Variants in IKZF3 observed in about 807,000 individuals in gnomAD.
IKZF3 encodes zinc finger protein Aiolos.
IKZF3 carries 10 observed loss-of-function variants against 49.0 expected under a neutral mutation model. That is an observed-to-expected ratio of 0.20 (90% CI 0.13 to 0.35). IKZF3 has a LOEUF of 0.35. Among genes scored for constraint, IKZF3 ranks in the 10% least tolerant of loss-of-function variants. The pLI, the probability that IKZF3 is intolerant of heterozygous loss-of-function variation, is 1.00. For missense variants in IKZF3, 498 were observed against 664.8 expected (o/e 0.75, Z 2.76); for synonymous variants, 209 against 228.2 (o/e 0.92, Z 0.76).
intron 3 of IKZF3, 101 bp downstream of exon 3, chr17:39,829,286 C>T: frequency 1.3e-6 from 1 of 779,814 alleles, no homozygotes; most frequent in Non-Finnish European, 2.2e-6. Context: ...CCTAACTAAA[C>T]CTACAATTGC....
intron 6 of IKZF3, among the ~76,000 whole-genome samples, chr17:39,782,825 G>A (rs2060778447): frequency 6.6e-6 from 1 of 152,194 alleles, no homozygotes; most frequent in South Asian, 2.1e-4. Context: ...AACTGTCATT[G>A]TGGATCAATT....
chr17:39,831,697 T>C (rs375252319), intron 2 of IKZF3, among the ~76,000 whole-genome samples: 6 of 152,230 alleles, frequency 3.9e-5, no homozygotes, highest in Non-Finnish European at 5.9e-5. Context: ...AGAGACCATA[T>C]GTGGCCTGCA....
At chr17:39,773,075 CA>C (rs1233163644) in intron 7 of IKZF3, among the ~76,000 whole-genome samples, 1 of 152,194 alleles carries the variant, frequency 6.6e-6, no homozygotes, top group Non-Finnish European at 1.5e-5. Context: ...TTAGGACTCC[CA>C]AAGTGGGGAA....
intron 3 of IKZF3, among the ~76,000 whole-genome samples, chr17:39,815,508 T>C (rs1598095024): frequency 6.6e-6 from 1 of 152,240 alleles, no homozygotes; most frequent in Non-Finnish European, 1.5e-5. Context: ...GGCCAAGATA[T>C]AAGCAACAAT....
chr17:39,768,625 T>TA (rs1192135737), intron 7 of IKZF3, among the ~76,000 whole-genome samples: 1 of 152,168 alleles, frequency 6.6e-6, no homozygotes, highest in East Asian at 1.9e-4. Context: ...TGTCCTCATG[T>TA]AAAGTGAAGA....
chr17:39,834,987 C>T (rs1348840436), intron 1 of IKZF3: 1 of 408,188 alleles, frequency 2.4e-6, no homozygotes, highest in Non-Finnish European at 4.8e-6. Flanking sequence ...CATCAGAGGA[C>T]TGGGACACCA....
At chr17:39,769,236 C>T (rs1343610456) in intron 7 of IKZF3, among the ~76,000 whole-genome samples, 2 of 152,160 alleles carry the variant, frequency 1.3e-5, no homozygotes, top group East Asian at 3.8e-4. Context: ...CCAAGGCTAC[C>T]TGCCCTTGAG....
intron 6 of IKZF3, among the ~76,000 whole-genome samples, chr17:39,780,439 C>T (rs2060712611): frequency 6.6e-6 from 1 of 152,120 alleles, no homozygotes; most frequent in Non-Finnish European, 1.5e-5. Context: ...TCACAGCTCA[C>T]TGCAGGCTCA....
chr17:39,821,320 C>G (rs2061804743), intron 3 of IKZF3, among the ~76,000 whole-genome samples: 1 of 151,934 alleles, frequency 6.6e-6, no homozygotes, highest in Non-Finnish European at 1.5e-5. Flanking sequence ...TGGAAAACAC[C>G]CCAGAATTGG....
Position 39,777,641 on chromosome 17 carries a change from G to C in IKZF3, c.826+10C>G, listed in dbSNP as rs1244703042. The C allele has an allele frequency of 6.3e-7, 1 of 1,588,232 alleles. No individual in the cohort carries two copies. Among genetic ancestry groups the C allele is most frequent in the East Asian group, 2.2e-5 (1 of 44,710 alleles). On this transcript the variant is annotated intron_variant, in intron 7 of 7. Coordinates refer to ENST00000346872, the MANE Select transcript of IKZF3 (RefSeq NM_012481.5). ...GCTAACAACAGCAGGAAAAAGGTTT[G>C]TATTCTTACCAATGAATTTCTGAGG... is the stretch of plus-strand genomic sequence containing the variant.
intron 3 of IKZF3, among the ~76,000 whole-genome samples, chr17:39,822,582 C>CTTTTTTT (rs536009534): frequency 7.5e-6 from 1 of 132,990 alleles, no homozygotes; most frequent in African/African-American, 2.8e-5. Context: ...GTATTTCTTT[C>CTTTTTTT]TTTTTTTTTT....
intron 1 of IKZF3, among the ~76,000 whole-genome samples, chr17:39,846,676 T>C (rs913580011): frequency 3.3e-5 from 5 of 152,030 alleles, no homozygotes; most frequent in African/African-American, 1.2e-4. Flanking sequence ...AATCAAATAT[T>C]TACATTAGCA....
intron 1 of IKZF3, among the ~76,000 whole-genome samples, chr17:39,848,972 C>A (rs1002537602): frequency 9.2e-5 from 14 of 152,116 alleles, no homozygotes; most frequent in African/African-American, 3.1e-4. Context: ...TGGGAGCCAA[C>A]GTGCCTGGCA....
intron 7 of IKZF3, among the ~76,000 whole-genome samples, chr17:39,773,980 A>G (rs1380151463): frequency 6.6e-6 from 1 of 152,200 alleles, no homozygotes; most frequent in Non-Finnish European, 1.5e-5. Context: ...AAAGACATAC[A>G]AAATTTCTTG....
intron 2 of IKZF3, 107 bp downstream of exon 2, chr17:39,831,991 A>G: frequency 1.3e-6 from 1 of 774,242 alleles, no homozygotes; most frequent in East Asian, 2.6e-5. Context: ...AAAAACACAC[A>G]CACATTTCCA....
At chr17:39,833,882 A>G (rs2062186432) in intron 1 of IKZF3, among the ~76,000 whole-genome samples, 1 of 152,154 alleles carries the variant, frequency 6.6e-6, no homozygotes, top group Non-Finnish European at 1.5e-5. Context: ...TAATTAATGA[A>G]TATATATTCA....
chr17:39,769,605 A>G (rs747198044), intron 7 of IKZF3, among the ~76,000 whole-genome samples: 1 of 152,218 alleles, frequency 6.6e-6, no homozygotes, highest in Non-Finnish European at 1.5e-5. Flanking sequence ...ACAGACATTC[A>G]TTCCCTAGAA....
In IKZF3 at chr17:39,793,557, A is replaced by C. The variant is rs936949328; in HGVS notation, c.164-624T>G. Reference sequence around the variant, plus strand: ...AGGAAGTTGTCAGTACTAATGAAAAAGTGTTGAGAAAGACAAAAGGAAAAG... The same window carrying C: ...AGGAAGTTGTCAGTACTAATGAAAACGTGTTGAGAAAGACAAAAGGAAAAG... On this transcript the variant is annotated intron_variant, in intron 3 of 7. Coordinates refer to ENST00000346872, the MANE Select transcript of IKZF3 (RefSeq NM_012481.5). 2.6e-5 allele frequency among the ~76,000 whole-genome samples: 4 copies of C among 152,346 alleles called. 1 individual carries two copies. Among genetic ancestry groups the C allele is most frequent in the Middle Eastern group, 6.8e-3 (2 of 294 alleles).
chr17:39,770,078 G>A (rs2060399219), intron 7 of IKZF3, among the ~76,000 whole-genome samples: 1 of 152,172 alleles, frequency 6.6e-6, no homozygotes, highest in Non-Finnish European at 1.5e-5. Flanking sequence ...ACGGTAACTT[G>A]AGCAGTGCAG....
Sources: allele counts gnomAD v4.1 joint callset (sites outside exome capture counted in the v4.1 genomes callset), GRCh38; gene constraint gnomAD v4.1.1; transcripts MANE v1.5; gene names NCBI Gene and HGNC (gene_info 2026-07-23, HGNC 2026-07-21).